KCNJ6: variants seen among roughly 807,000 people sequenced by gnomAD.
KCNJ6 encodes potassium inwardly rectifying channel subfamily J member 6.
KCNJ6 carries 9 observed loss-of-function variants against 34.2 expected under a neutral mutation model. The observed-to-expected ratio is 0.26, with a 90% CI of 0.16 to 0.46. The LOEUF (loss-of-function observed/expected upper bound fraction) is 0.46. Among genes scored for constraint, KCNJ6 ranks in the 20% least tolerant of loss-of-function variants. The pLI, the probability that KCNJ6 is intolerant of heterozygous loss-of-function variation, is 1.00. For missense variants in KCNJ6, 236 were observed against 531.3 expected (o/e 0.44, Z 5.46); for synonymous variants, 196 against 207.1 (o/e 0.95, Z 0.46).
intron 1 of KCNJ6, among the ~76,000 whole-genome samples, chr21:37,855,300 A>C (rs3827199): frequency 6.6e-6 from 1 of 152,036 alleles, no homozygotes; most frequent in Admixed American, 6.5e-5. Flanking sequence ...TTTTTGGAGT[A>C]CGATGTGGTT....
At chr21:37,830,538 A>C (rs552539126) in intron 2 of KCNJ6, among the ~76,000 whole-genome samples, 4 of 152,276 alleles carry the variant, frequency 2.6e-5, no homozygotes, top group Admixed American at 2.6e-4. Context: ...CAAGTTGATC[A>C]TCCTACAATT....
Position 37,710,638 on chromosome 21 carries a change from G to T in KCNJ6, c.946+3573C>A, listed in dbSNP as rs1263467945. On this transcript the variant is annotated intron_variant, in intron 3 of 3. Coordinates refer to ENST00000609713, the MANE Select transcript of KCNJ6 (RefSeq NM_002240.5). The stretch of plus-strand genomic sequence containing the variant: ...GTTCGTCAATCAGCAAGGCCGTAGT[G>T]GGGGCTGACTGGCAGCAAGCCCAGC... Among the ~76,000 whole-genome samples the T allele has an allele frequency of 3.3e-5, 5 of 152,340 alleles. No individual in the cohort carries two copies. The East Asian group carries it at 9.7e-4, about 29-fold the overall frequency.
chr21:37,732,731 G>C (rs984409840), intron 2 of KCNJ6, among the ~76,000 whole-genome samples: 1 of 152,104 alleles, frequency 6.6e-6, no homozygotes, highest in Non-Finnish European at 1.5e-5. Flanking sequence ...CCACAAACCC[G>C]CTTCTCTTAA....
chr21:37,656,651 T>C (rs2054465618), intron 3 of KCNJ6, among the ~76,000 whole-genome samples: 1 of 152,192 alleles, frequency 6.6e-6, no homozygotes, highest in African/African-American at 2.4e-5. Context: ...GCGATTCTTA[T>C]CTTTGTCCTT....
chr21:37,711,580 AT>A (rs894478538), intron 3 of KCNJ6, among the ~76,000 whole-genome samples: 24 of 151,326 alleles, frequency 1.6e-4, no homozygotes, highest in Non-Finnish European at 3.1e-4. Flanking sequence ...TTTGGTCCAC[AT>A]TTTTTTTTCC....
At chr21:37,857,424 G>GTGTGATACC (rs1473480221) in intron 1 of KCNJ6, among the ~76,000 whole-genome samples, 2 of 152,210 alleles carry the variant, frequency 1.3e-5, no homozygotes, top group Non-Finnish European at 2.9e-5. Flanking sequence ...CCTGGACAGT[G>GTGTGATACC]TGTGATACCA....
At chr21:37,819,449 C>T (rs2055363425) in intron 2 of KCNJ6, among the ~76,000 whole-genome samples, 1 of 152,012 alleles carries the variant, frequency 6.6e-6, no homozygotes, top group African/African-American at 2.4e-5. Flanking sequence ...TTTGAGAATG[C>T]TTGGAGATTG....
At chr21:37,809,173 C>T (rs1344784378) in intron 2 of KCNJ6, among the ~76,000 whole-genome samples, 1 of 152,200 alleles carries the variant, frequency 6.6e-6, no homozygotes. Context: ...GGCACATATA[C>T]CCCATGGAAT....
intron 2 of KCNJ6, among the ~76,000 whole-genome samples, chr21:37,757,465 G>GCA (rs2055034635): frequency 8.7e-5 from 13 of 149,992 alleles, no homozygotes; most frequent in South Asian, 2.1e-4. Flanking sequence ...CCCGGAGTGA[G>GCA]CTCTCCCTCA....
intron 2 of KCNJ6, among the ~76,000 whole-genome samples, chr21:37,746,613 T>C (rs1198160715): frequency 2.0e-5 from 3 of 152,224 alleles, no homozygotes; most frequent in African/African-American, 7.2e-5. Context: ...TTCTCCATGA[T>C]ACTCACTTGA....
intron 3 of KCNJ6, among the ~76,000 whole-genome samples, chr21:37,654,972 G>T (rs1223614929): frequency 6.6e-6 from 1 of 152,136 alleles, no homozygotes; most frequent in African/African-American, 2.4e-5. Flanking sequence ...GGAGCTATGG[G>T]CAAGTACTAC....
intron 2 of KCNJ6, among the ~76,000 whole-genome samples, chr21:37,733,050 C>CA (rs1234954794): frequency 6.6e-6 from 1 of 152,186 alleles, no homozygotes; most frequent in Non-Finnish European, 1.5e-5. Flanking sequence ...CTCTTGACTT[C>CA]ACCTTTAATG....
intron 2 of KCNJ6, among the ~76,000 whole-genome samples, chr21:37,736,174 T>C (rs2054911950): frequency 7.1e-6 from 1 of 140,602 alleles, no homozygotes; most frequent in South Asian, 2.4e-4. Context: ...AGGCACCTCC[T>C]GTGTACCGAG....
intron 3 of KCNJ6, among the ~76,000 whole-genome samples, chr21:37,679,479 G>A (rs910373392): frequency 1.3e-5 from 2 of 152,228 alleles, no homozygotes. Context: ...GTTAATACGT[G>A]TGAAACACTT....
rs142414606 is a variant in KCNJ6, at chr21:37,611,707, T to C, written c.*13452A>G. 60 of 152,292 alleles carry C rather than the reference T, an allele frequency of 3.9e-4. No individual in the cohort carries two copies. The highest frequency in any genetic ancestry group is 1.4e-3 in the African/African-American group (58 of 41,562). The allele number at this position is 152,292 out of a possible 1,614,324, so 9.4% of individuals were successfully genotyped here. A position where few individuals can be genotyped will look rare whatever the true frequency, so the allele number is the denominator to read the frequency against. ...AACATTCAAAGATCAACTAATGTAA[T>C]GAATATCAACAGGCAAAAGAAGAAA... On this transcript the variant is annotated 3_prime_UTR_variant, in exon 4 of 4. Transcript: ENST00000609713.
rs1287127587 is a variant in KCNJ6 at position 37,714,287 on chromosome 21, C to T, written c.870G>A (p.Trp290Ter). Reference protein sequence around the residue: ...SHEINQQSPFWEISKAQLPKE... With the variant: ...SHEINQQSPF ...TGGGCAGCTGGGCTTTGGAGATCTC[C>T]CAGAAAGGACTCTGTTGGTTAATTT... is the stretch of plus-strand genomic sequence containing the variant. Residue 290 changes from tryptophan (W) to a stop codon, truncating the protein, a stop_gained, in exon 3 of 4, where the codon TGG becomes TGA. Transcript: ENST00000609713. LOFTEE classifies it high-confidence loss of function. The surrounding 1 kb of genome is among the most constrained non-coding windows in gnomAD (Gnocchi z 5.9). The T allele has an allele frequency of 6.2e-7, 1 of 1,613,928 alleles. No homozygotes were observed. Among genetic ancestry groups the T allele is most frequent in the Non-Finnish European group, 8.5e-7 (1 of 1,179,982 alleles).
intron 2 of KCNJ6, among the ~76,000 whole-genome samples, chr21:37,731,396 G>T (rs1440278905): frequency 6.6e-6 from 1 of 152,114 alleles, no homozygotes; most frequent in East Asian, 1.9e-4. Flanking sequence ...GGAAGATCCT[G>T]GTGTCTTACA....
chr21:37,809,315 A>G (rs1391588233), intron 2 of KCNJ6, among the ~76,000 whole-genome samples: 2 of 152,054 alleles, frequency 1.3e-5, no homozygotes, highest in African/African-American at 4.8e-5. Context: ...CATAGGTGGG[A>G]ATTGAACAAT....
intron 2 of KCNJ6, among the ~76,000 whole-genome samples, chr21:37,768,937 G>C (rs1568841828): frequency 6.6e-6 from 1 of 152,228 alleles, no homozygotes; most frequent in African/African-American, 2.4e-5. Flanking sequence ...TTATAGCTCA[G>C]ATGGAAGTTT....
Sources: allele counts gnomAD v4.1 joint callset (sites outside exome capture counted in the v4.1 genomes callset), GRCh38; gene constraint gnomAD v4.1.1; non-coding constraint Gnocchi (gnomAD v3.1); transcripts MANE v1.5; gene names NCBI Gene and HGNC (gene_info 2026-07-23, HGNC 2026-07-21).